SLFN12L: variants seen among roughly 807,000 people sequenced by gnomAD.
The protein encoded by SLFN12L is schlafen family member 12-like.
SLFN12L carries 34 observed loss-of-function variants against 34.8 expected under a neutral mutation model. The observed-to-expected ratio is 0.98, with a 90% CI of 0.74 to 1.30. SLFN12L has a LOEUF of 1.30. Ranked by LOEUF, SLFN12L falls within the 50% of genes most tolerant of loss-of-function variation. SLFN12L has a pLI of 0.00. For synonymous variants in SLFN12L, 259 were observed against 247.5 expected (o/e 1.05, Z -0.44); for missense variants, 703 against 696.2 (o/e 1.01, Z -0.11).
At chr17:35,487,603 A>G (rs1016408585) in intron 2 of SLFN12L, 25 of 1,013,242 alleles carry the variant, frequency 2.5e-5, no homozygotes, top group African/African-American at 3.3e-5. Flanking sequence ...GCCCTTAAGC[A>G]ACTGAAAGTT....
rs1555538101 is a variant in SLFN12L, at chr17:35,474,691, G to GGA, written c.*231_*232insTC. On this transcript the variant is annotated 3_prime_UTR_variant, in exon 5 of 5. Coordinates refer to ENST00000628453, the MANE Select transcript of SLFN12L (RefSeq NM_001363830.2). Reference sequence around the variant, plus strand: ...ACTCCTAGCACTTTGGGAGACCGGGGGGGGGGGTTGAATCACGAGGTCAGG... The same window carrying GGA: ...ACTCCTAGCACTTTGGGAGACCGGGGGAGGGGGGGTTGAATCACGAGGTCAGG... 2.7e-6 allele frequency: 1 copy of GGA among 372,190 alleles called. No homozygotes were observed. Among genetic ancestry groups the GGA allele is most frequent in the Non-Finnish European group, 4.9e-6 (1 of 204,236 alleles). 23.1% of individuals were successfully genotyped at this position (372,190 alleles called of 1,614,324 possible).
intron 2 of SLFN12L, among the ~76,000 whole-genome samples, chr17:35,482,765 G>A (rs1050179990): frequency 1.3e-5 from 2 of 152,176 alleles, no homozygotes; most frequent in Non-Finnish European, 2.9e-5. Flanking sequence ...AGATTCCTGG[G>A]TCAAAGGCGG....
chr17:35,510,120 A>G (rs1915591908), intron 2 of SLFN12L: 1 of 152,264 alleles, frequency 6.6e-6, no homozygotes, highest in South Asian at 2.1e-4. Flanking sequence ...ACAGCCATGT[A>G]AGTCAAATTA....
At position 35,522,488 on chromosome 17, in the gene SLFN12L, A is replaced by G; in HGVS notation, c.-124T>C. On this transcript the variant is annotated 5_prime_UTR_variant, in exon 2 of 5. It removes an upstream start codon present in the reference 5' UTR. Transcript: ENST00000628453. ...GGGCTGTGAGCAGATTTAAAACCTC[A>G]TAGCTGCACAGGTCACTCAAGAGAG... 4 of 1,613,428 alleles carry G rather than the reference A, an allele frequency of 2.5e-6. No homozygotes were observed. The African/African-American group carries it at 4.0e-5, about 16-fold the overall frequency.
At chr17:35,485,386 C>T (rs1010367800) in intron 2 of SLFN12L, among the ~76,000 whole-genome samples, 1 of 150,308 alleles carries the variant, frequency 6.7e-6, no homozygotes, top group Non-Finnish European at 1.5e-5. Context: ...TTGTTTTTTT[C>T]TTGATTCATT....
rs1326858918 is a variant in SLFN12L, at chr17:35,465,448, ATAAAT to A, written c.*9470_*9474del. On this transcript the variant is annotated 3_prime_UTR_variant, in exon 5 of 5. Transcript: ENST00000628453. ...CATAGACTCCATGTCACAATAAATA[ATAAAT>A]TAAAATTAAATTTTTGGCACTCAAA... Among the ~76,000 whole-genome samples, 3 of 152,096 alleles carry A rather than the reference ATAAAT, an allele frequency of 2.0e-5. No homozygotes were observed. The highest frequency in any genetic ancestry group is 4.4e-5 in the Non-Finnish European group (3 of 68,032).
Position 35,522,699 on chromosome 17 carries a change from C to G in SLFN12L, c.-335G>C, listed in dbSNP as rs1916034809. On this transcript the variant is annotated 5_prime_UTR_variant, in exon 2 of 5. It removes an upstream start codon present in the reference 5' UTR. Transcript: ENST00000628453. The stretch of plus-strand genomic sequence containing the variant: ...CACACACCTCCCCAGTGTAGCCCCC[C>G]ATGTTCACCAGCTTCTGCTTCAAAG... 1 of 1,614,160 alleles carries G rather than the reference C, an allele frequency of 6.2e-7. No homozygotes were observed. The highest frequency in any genetic ancestry group is 1.3e-5 in the African/African-American group (1 of 75,028).
chr17:35,503,177 C>A (rs969012058), intron 2 of SLFN12L, among the ~76,000 whole-genome samples: 2 of 152,114 alleles, frequency 1.3e-5, no homozygotes, highest in South Asian at 2.1e-4. Context: ...TTTTTACCTA[C>A]ATTAAAGGGT....
At position 35,467,692 on chromosome 17, in the gene SLFN12L, C is replaced by G. The variant is rs1008914028; in HGVS notation, c.*7231G>C. Among the ~76,000 whole-genome samples, 39 of 152,100 alleles carry G rather than the reference C, an allele frequency of 2.6e-4. No individual in the cohort carries two copies. Among genetic ancestry groups the G allele is most frequent in the African/African-American group, 8.9e-4 (37 of 41,502 alleles). On this transcript the variant is annotated 3_prime_UTR_variant, in exon 5 of 5. Transcript: ENST00000628453. Reference sequence around the variant, plus strand: ...ATAGATTTTCAATATCAAACCCCCCCCATCAGGAGGCCACAGCAGGTGTGT... The same window carrying G: ...ATAGATTTTCAATATCAAACCCCCCGCATCAGGAGGCCACAGCAGGTGTGT...
rs1334495995 is a variant in SLFN12L at position 35,474,686 on chromosome 17, C to G, written c.*237G>C. The G allele has an allele frequency of 5.5e-6, 2 of 363,532 alleles. No homozygotes were observed. Among genetic ancestry groups the G allele is most frequent in the Non-Finnish European group, 9.5e-6 (2 of 210,222 alleles). The allele number at this position is 363,532 out of a possible 1,614,324, so 22.5% of individuals were successfully genotyped here. A position where few individuals can be genotyped will look rare whatever the true frequency, so the allele number is the denominator to read the frequency against. On this transcript the variant is annotated 3_prime_UTR_variant, in exon 5 of 5. Coordinates refer to ENST00000628453, the MANE Select transcript of SLFN12L (RefSeq NM_001363830.2). ...TCTGTACTCCTAGCACTTTGGGAGA[C>G]CGGGGGGGGGGGTTGAATCACGAGG... is the stretch of plus-strand genomic sequence containing the variant.
At chr17:35,481,039 C>T (rs1036636086) in intron 2 of SLFN12L, among the ~76,000 whole-genome samples, 3 of 152,242 alleles carry the variant, frequency 2.0e-5, no homozygotes, top group Admixed American at 6.5e-5. Context: ...CCAGGCCATA[C>T]AGAGATAGGA....
At chr17:35,513,653 C>T (rs555278233) in intron 2 of SLFN12L, among the ~76,000 whole-genome samples, 1 of 152,326 alleles carries the variant, frequency 6.6e-6, no homozygotes, top group South Asian at 2.1e-4. Context: ...GTCCCACCCT[C>T]TCCATTCTTT....
rs146327583 is a variant in SLFN12L, at chr17:35,527,168, C to A, written c.-605-4199G>T. Among the ~76,000 whole-genome samples, 19 of 152,170 alleles carry A rather than the reference C, an allele frequency of 1.2e-4. No homozygotes were observed. The East Asian group carries it at 3.5e-3, about 28-fold the overall frequency. On this transcript the variant is annotated intron_variant, in intron 1 of 4. Coordinates refer to ENST00000628453, the MANE Select transcript of SLFN12L (RefSeq NM_001363830.2). ...TCCCAAGTCTAAACCAGGAAGAAGT[C>A]GAATCCCTGAATAGACCAATAACAG...
At chr17:35,492,423 T>C (rs1445015812) in intron 2 of SLFN12L, among the ~76,000 whole-genome samples, 2 of 152,058 alleles carry the variant, frequency 1.3e-5, no homozygotes, top group African/African-American at 4.8e-5. Context: ...TATACCACAC[T>C]CAAGGAGACC....
chr17:35,526,710 T>C (rs940132564), intron 1 of SLFN12L, among the ~76,000 whole-genome samples: 1 of 152,018 alleles, frequency 6.6e-6, no homozygotes, highest in Non-Finnish European at 1.5e-5. Flanking sequence ...TTTAAAGCAG[T>C]GTGTAGAGGG....
intron 1 of SLFN12L, among the ~76,000 whole-genome samples, chr17:35,530,441 G>GAAAGAAAGAAAGA (rs1489409235): frequency 1.2e-4 from 2 of 16,838 alleles, no homozygotes; most frequent in African/African-American, 2.1e-4. Context: ...GAAGGGAAGG[G>GAAAGAAAGAAAGA]AAGAAAGAAA....
chr17:35,498,610 G>C (rs565264051), intron 2 of SLFN12L: 1 of 1,610,312 alleles, frequency 6.2e-7, no homozygotes, highest in Non-Finnish European at 8.5e-7. Flanking sequence ...CAGAAAGCTA[G>C]CCAGAAGGGC....
rs1297047298 is a variant in SLFN12L, at chr17:35,473,961, C to T, written c.*962G>A. ...GATGACAGAGTCTTGCTCTCTTGCC[C>T]AAGCTGGAGTGCAGTGGTGTGGTCT... is the stretch of plus-strand genomic sequence containing the variant. On this transcript the variant is annotated 3_prime_UTR_variant, in exon 5 of 5. Transcript: ENST00000628453. 2 of 152,176 alleles carry T rather than the reference C, an allele frequency of 1.3e-5. No homozygotes were observed. Among genetic ancestry groups the T allele is most frequent in the Non-Finnish European group, 2.9e-5 (2 of 68,042 alleles). The allele number at this position is 152,176 out of a possible 1,614,324, so 9.4% of individuals were successfully genotyped here. A position where few individuals can be genotyped will look rare whatever the true frequency, so the allele number is the denominator to read the frequency against.
intron 2 of SLFN12L, among the ~76,000 whole-genome samples, chr17:35,501,922 G>T (rs868379636): frequency 6.6e-6 from 1 of 151,966 alleles, no homozygotes; most frequent in Admixed American, 6.6e-5. Context: ...AGCATAAGCG[G>T]CTGGCAGAGG....
Sources: allele counts gnomAD v4.1 joint callset (sites outside exome capture counted in the v4.1 genomes callset), GRCh38; gene constraint gnomAD v4.1.1; transcripts MANE v1.5; gene names NCBI Gene and HGNC (gene_info 2026-07-23, HGNC 2026-07-21).